Variants in PDZD2 observed in about 807,000 individuals in gnomAD.
PDZD2 encodes PDZ domain-containing protein 2.
Under a neutral mutation model 220.7 loss-of-function variants are expected in PDZD2, and 90 were observed. The observed-to-expected ratio is 0.41, with a 90% CI of 0.34 to 0.49. The LOEUF (loss-of-function observed/expected upper bound fraction) is 0.49, where lower values mean the gene tolerates loss of function less well. Among genes scored for constraint, PDZD2 ranks in the 20% least tolerant of loss-of-function variants. PDZD2 has a pLI of 0.28. For synonymous variants in PDZD2, 1,375 were observed against 1,450.5 expected, an observed-to-expected ratio of 0.95 and a Z score of 1.18; for missense variants, 3,174 against 3,608.5, an observed-to-expected ratio of 0.88 and a Z score of 3.08.
In PDZD2 at chr5:32,098,603, C is replaced by T; in HGVS notation, c.8187C>T (p.Ser2729=). The T allele has an allele frequency of 6.2e-7, 1 of 1,614,044 alleles. No homozygotes were observed. Among genetic ancestry groups the T allele is most frequent in the Non-Finnish European group, 8.5e-7 (1 of 1,179,980 alleles). Residue 2729 remains serine, a synonymous_variant, in exon 23 of 25, where the codon TCC becomes TCT. Coordinates refer to ENST00000438447, the MANE Select transcript of PDZD2 (RefSeq NM_178140.4). The surrounding 1 kb of genome is among the most constrained non-coding windows in gnomAD (Gnocchi z 4.1). ...CAGCCAATGGGAAGGGTTTGCTGTC[C>T]AGAAAGACCATCCCCCTGGAGCCTG... is the stretch of plus-strand genomic sequence containing the variant. ...PPTANGKGLL[S]RKTIPLEPGI... is the part of the protein sequence containing the mutation.
At chr5:31,771,007 C>T (rs1243095752) in intron 1 of PDZD2, among the ~76,000 whole-genome samples, 4 of 152,038 alleles carry the variant, frequency 2.6e-5, no homozygotes, top group African/African-American at 9.7e-5. Flanking sequence ...GGGAAGCTTG[C>T]TATTTATGGA....
intron 1 of PDZD2, among the ~76,000 whole-genome samples, chr5:31,737,137 C>CATTTTATGGAATGTCAG (rs1749909258): frequency 6.6e-6 from 1 of 150,684 alleles, no homozygotes; most frequent in African/African-American, 2.4e-5. Flanking sequence ...TGGATGCAGC[C>CATTTTATGGAATGTCAG]ATTTTATGGA....
chr5:31,648,870 T>C (rs1267208418), intron 1 of PDZD2, among the ~76,000 whole-genome samples: 1 of 151,928 alleles, frequency 6.6e-6, no homozygotes, highest in Non-Finnish European at 1.5e-5. Context: ...TAGTTTACCT[T>C]AGGGGTTCAC....
At chr5:31,904,904 G>A (rs963338717) in intron 2 of PDZD2, among the ~76,000 whole-genome samples, 12 of 152,040 alleles carry the variant, frequency 7.9e-5, no homozygotes, top group African/African-American at 2.9e-4. Context: ...TTTCAAATTC[G>A]CCTATAAAAT....
At chr5:31,905,185 TGGCCA>T (rs1459056247) in intron 2 of PDZD2, among the ~76,000 whole-genome samples, 1 of 152,186 alleles carries the variant, frequency 6.6e-6, no homozygotes, top group African/African-American at 2.4e-5. Context: ...TTCACCATGT[TGGCCA>T]GGCTGGTCTC....
chr5:31,784,837 G>A (rs1753284096), intron 1 of PDZD2, among the ~76,000 whole-genome samples: 1 of 152,148 alleles, frequency 6.6e-6, no homozygotes, highest in Admixed American at 6.5e-5. Flanking sequence ...AACCCGGGAG[G>A]TGGAGGTTGC....
intron 2 of PDZD2, among the ~76,000 whole-genome samples, chr5:31,867,504 T>C (rs947956017): frequency 2.6e-5 from 4 of 152,222 alleles, no homozygotes; most frequent in Non-Finnish European, 4.4e-5. Flanking sequence ...AGCCTTTCTC[T>C]GGGAGGCCTT....
rs1368448170 is a variant in PDZD2 at position 32,109,948 on chromosome 5, G to A, written c.*1813G>A. 6.6e-6 allele frequency: 1 copy of A among 152,646 alleles called. No individual in the cohort carries two copies. 9.5% of individuals were successfully genotyped at this position (152,646 alleles called of 1,614,324 possible). A position where few individuals can be genotyped will look rare whatever the true frequency, so the allele number is the denominator to read the frequency against. On this transcript the variant is annotated 3_prime_UTR_variant, in exon 25 of 25. Coordinates refer to ENST00000438447, the MANE Select transcript of PDZD2 (RefSeq NM_178140.4). ...AAAGGAAAATATGGTACAGGAGTTA[G>A]TTAGAAAGGTCTTATTGATTTTACT...
rs57019948 is a variant in PDZD2, at chr5:32,010,084, C to CAA, written c.1255-239_1255-238dup. ...CCTGGGCAACAGAGCAAGACTGTCT[C>CAA]AAAAAAAAGAAAAAAGAAAAAAAAG... On this transcript the variant is annotated intron_variant, in intron 5 of 24. Coordinates refer to ENST00000438447, the MANE Select transcript of PDZD2 (RefSeq NM_178140.4). 1.1e-4 allele frequency among the ~76,000 whole-genome samples: 15 copies of CAA among 132,022 alleles called. No homozygotes were observed. The East Asian group carries it at 2.9e-3, about 26-fold the overall frequency. 86.6% of individuals were successfully genotyped at this position (132,022 alleles called of 152,430 possible).
At chr5:31,714,664 T>C (rs1748331174) in intron 1 of PDZD2, among the ~76,000 whole-genome samples, 1 of 152,324 alleles carries the variant, frequency 6.6e-6, no homozygotes, top group South Asian at 2.1e-4. Context: ...CTTTGAGTCA[T>C]GTACTGCTCT....
At chr5:32,100,958 T>C (rs1744203215) in intron 23 of PDZD2, 147 bp from the exon 24 acceptor site, 1 of 1,602,704 alleles carries the variant, frequency 6.2e-7, no homozygotes, top group Non-Finnish European at 8.5e-7. Context: ...TCAAGTGCTG[T>C]TATAAGTAAG....
intron 5 of PDZD2, among the ~76,000 whole-genome samples, chr5:32,009,536 TG>T (rs1753118613): frequency 6.6e-6 from 1 of 151,538 alleles, no homozygotes; most frequent in Non-Finnish European, 1.5e-5. Context: ...GAGACCAGCC[TG>T]GGCAACATAG....
chr5:31,741,268 T>C (rs1283748632), intron 1 of PDZD2, among the ~76,000 whole-genome samples: 4 of 151,994 alleles, frequency 2.6e-5, no homozygotes, highest in Non-Finnish European at 5.9e-5. Flanking sequence ...TGGTTTCTGG[T>C]TGGTGAGATT....
At position 32,090,620 on chromosome 5, in the gene PDZD2, GGTT is replaced by G. The variant is rs1419840005; in HGVS notation, c.7177_7179del (p.Leu2393del). On this transcript the variant is annotated inframe_deletion, in exon 20 of 25. Coordinates refer to ENST00000438447, the MANE Select transcript of PDZD2 (RefSeq NM_178140.4). The surrounding 1 kb of genome is among the most constrained non-coding windows in gnomAD (Gnocchi z 4.3). ...GGCCACCCAGGTGACGCAGCAGCAA[GGTT>G]GTTGAGACGCAGCTTGAGTTCCTGC... 1 of 1,614,146 alleles carries G rather than the reference GGTT, an allele frequency of 6.2e-7. No individual in the cohort carries two copies. The highest frequency in any genetic ancestry group is 1.1e-5 in the South Asian group (1 of 91,078).
At chr5:31,937,864 C>T (rs1383877116) in intron 2 of PDZD2, among the ~76,000 whole-genome samples, 2 of 152,194 alleles carry the variant, frequency 1.3e-5, no homozygotes, top group Non-Finnish European at 2.9e-5. Flanking sequence ...GGTTCCTTCC[C>T]AGGGTTCCTG....
In PDZD2 at chr5:31,983,271, G is replaced by T; in HGVS notation, c.593G>T (p.Gly198Val). The change falls in exon 3 of 25, where the codon GGA becomes GTA. Residue 198 changes from glycine (G) to valine (V), a missense_variant. This residue lies in a region of PDZD2 where 632 missense variants were observed against 708.1 expected (regional missense o/e 0.89). Transcript: ENST00000438447. Reference sequence around the variant, plus strand: ...AACAGTAGCAACAGCTCTGAACCAGGAGAAACACCTACCTTGGAGCTGGGT... The same window carrying T: ...AACAGTAGCAACAGCTCTGAACCAGTAGAAACACCTACCTTGGAGCTGGGT... ...NGNSSNSSEP[G>V]ETPTLELGDR... The T allele has an allele frequency of 6.2e-7, 1 of 1,614,208 alleles. No individual in the cohort carries two copies.
intron 2 of PDZD2, among the ~76,000 whole-genome samples, chr5:31,839,533 G>A (rs62360836): frequency 0.084 from 12,757 of 152,242 alleles, 688 homozygotes; most frequent in Middle Eastern, 0.14. Flanking sequence ...GTAGAAGGGA[G>A]ATGGAATATA....
chr5:31,782,649 A>G (rs1328708696), intron 1 of PDZD2, among the ~76,000 whole-genome samples: 1 of 150,330 alleles, frequency 6.7e-6, no homozygotes, highest in Non-Finnish European at 1.5e-5. Context: ...GATCTAGCGT[A>G]TCTTTAAGAA....
intron 2 of PDZD2, among the ~76,000 whole-genome samples, chr5:31,944,332 G>A (rs2111559089): frequency 6.6e-6 from 1 of 152,282 alleles, no homozygotes; most frequent in South Asian, 2.1e-4. Context: ...AGGACAGCGT[G>A]GTATGTTCTA....
Sources: gnomAD v4.1 joint callset for allele counts (sites outside exome capture counted in the v4.1 genomes callset) on GRCh38, gnomAD v4.1.1 for gene constraint, gnomAD v4.1.1 regional missense constraint, Gnocchi (gnomAD v3.1) non-coding constraint, MANE v1.5 for transcripts, NCBI Gene and HGNC (gene_info 2026-07-23, HGNC 2026-07-21) for gene names.